The following HKDC1 variants were observed in gnomAD, a reference collection of about 807,000 sequenced individuals.
The protein encoded by HKDC1 is hexokinase HKDC1.
In HKDC1, 66 loss-of-function variants were observed where a neutral mutation model predicts 96.6. The ratio of observed to expected loss-of-function variants is 0.68; its 90% CI spans 0.56 to 0.84. The LOEUF (loss-of-function observed/expected upper bound fraction) is 0.84, where lower values mean the gene tolerates loss of function less well. Ranked by LOEUF, HKDC1 falls within the 40% of genes least tolerant of loss-of-function variation. The pLI is 0.00. For synonymous variants in HKDC1, 466 were observed against 473.1 expected, an observed-to-expected ratio of 0.98 and a Z score of 0.20; for missense variants, 1,211 against 1,208.1, an observed-to-expected ratio of 1.00 and a Z score of -0.04.
chr10:69,221,027 G>C (rs922954693), intron 1 of HKDC1, among the ~76,000 whole-genome samples: 4 of 152,090 alleles, frequency 2.6e-5, no homozygotes, highest in Non-Finnish European at 2.9e-5. Context: ...GCGGGCACCT[G>C]TAATCCCATC....
chr10:69,261,117 C>T, intron 15 of HKDC1, 22 bp from the exon 16 acceptor site: 1 of 1,607,680 alleles, frequency 6.2e-7, no homozygotes, highest in Non-Finnish European at 8.5e-7. Flanking sequence ...CTGCCCCAAC[C>T]TTATCCTTCT....
At chr10:69,236,579 G>A (rs980327712) in intron 4 of HKDC1, among the ~76,000 whole-genome samples, 3 of 151,726 alleles carry the variant, frequency 2.0e-5, no homozygotes, top group Admixed American at 6.6e-5. Flanking sequence ...TCGGGAGTTC[G>A]AGACCAGCCT....
intron 12 of HKDC1, among the ~76,000 whole-genome samples, chr10:69,255,433 G>T (rs1843703882): frequency 6.6e-6 from 1 of 152,146 alleles, no homozygotes; most frequent in Non-Finnish European, 1.5e-5. Flanking sequence ...GCGGCATCCA[G>T]CCACGGGGCT....
intron 2 of HKDC1, among the ~76,000 whole-genome samples, chr10:69,231,955 A>T (rs189845094): frequency 1.3e-5 from 2 of 152,204 alleles, no homozygotes; most frequent in East Asian, 1.9e-4. Flanking sequence ...GAATTTCCGG[A>T]TGTCTACACA....
chr10:69,249,798 C>T (rs1843608138), intron 10 of HKDC1, among the ~76,000 whole-genome samples: 2 of 152,198 alleles, frequency 1.3e-5, no homozygotes, highest in African/African-American at 2.4e-5. Flanking sequence ...CGCGCCAGAC[C>T]GGAGGCCCCT....
At chr10:69,242,987 C>T (rs1432232346) in intron 6 of HKDC1, among the ~76,000 whole-genome samples, 195 bp from the exon 7 acceptor site, 3 of 152,230 alleles carry the variant, frequency 2.0e-5, no homozygotes, top group African/African-American at 4.8e-5. Flanking sequence ...CTGAGAAGTG[C>T]AGACTTGACA....
At chr10:69,241,693 C>G (rs72814226) in intron 6 of HKDC1, among the ~76,000 whole-genome samples, 17,223 of 152,190 alleles carry the variant, frequency 0.11, 1,170 homozygotes, top group Middle Eastern at 0.17. Flanking sequence ...CAGTGTTTGC[C>G]AGGCTGCTCT....
chr10:69,258,794 G>A lies in HKDC1; in HGVS notation c.2051G>A (p.Cys684Tyr). 6.2e-7 allele frequency: 1 copy of A among 1,614,140 alleles called. No individual in the cohort carries two copies. Among genetic ancestry groups the A allele is most frequent in the Non-Finnish European group, 8.5e-7 (1 of 1,180,000 alleles). The stretch of plus-strand genomic sequence containing the variant: ...CTTCTAGGAACAGGCAGCAACATGT[G>A]CTACATGGAGGACATGAGGAACATC... Reference protein sequence around the residue: ...GLIAGTGSNMCYMEDMRNIEM... With the variant: ...GLIAGTGSNMYYMEDMRNIEM... Residue 684 changes from cysteine to tyrosine, a missense_variant, in exon 15 of 18, where the codon TGC becomes TAC. Coordinates refer to ENST00000354624, the MANE Select transcript of HKDC1 (RefSeq NM_025130.4).
At chr10:69,227,530 TTGCAGTTC>T (rs1469096034) in intron 2 of HKDC1, among the ~76,000 whole-genome samples, 161 bp downstream of exon 2, 2 of 143,950 alleles carry the variant, frequency 1.4e-5, no homozygotes, top group African/African-American at 2.5e-5. Context: ...TGAATCCCTC[TTGCAGTTC>T]TGCAGTTCTG....
Position 69,243,429 on chromosome 10 carries a change from C to T in HKDC1, c.875+64C>T. 2.9e-6 allele frequency: 4 copies of T among 1,386,872 alleles called. No individual in the cohort carries two copies. The South Asian group carries it at 6.1e-5, about 21-fold the overall frequency. 85.9% of individuals were successfully genotyped at this position (1,386,872 alleles called of 1,614,324 possible). ...GGCAGTGCCTAATCACTCAGGTCCCCTGGCTACCTGGGAGGCTTTCCAGTT... is the reference window on the plus strand; with the variant it reads ...GGCAGTGCCTAATCACTCAGGTCCCTTGGCTACCTGGGAGGCTTTCCAGTT... On this transcript the variant is annotated intron_variant, in intron 7 of 17. Coordinates refer to ENST00000354624, the MANE Select transcript of HKDC1 (RefSeq NM_025130.4).
Position 69,227,189 on chromosome 10 carries a change from G to A in HKDC1, c.64-18G>A, listed in dbSNP as rs1843172106. 1 of 1,613,638 alleles carries A rather than the reference G, an allele frequency of 6.2e-7. No homozygotes were observed. The highest frequency in any genetic ancestry group is 8.5e-7 in the Non-Finnish European group (1 of 1,179,626). On this transcript the variant is annotated intron_variant, in intron 1 of 17. Coordinates refer to ENST00000354624, the MANE Select transcript of HKDC1 (RefSeq NM_025130.4). Reference sequence around the variant, plus strand: ...AGGGCCCCCAGCAGCACCCCTTGGTGGCCGGTGTCTGTTCCAGGTGGACAG... The same window carrying A: ...AGGGCCCCCAGCAGCACCCCTTGGTAGCCGGTGTCTGTTCCAGGTGGACAG...
rs185415236 is a variant in HKDC1 at position 69,258,710 on chromosome 10, C to A, written c.2033-66C>A. On this transcript the variant is annotated intron_variant, in intron 14 of 17. Coordinates refer to ENST00000354624, the MANE Select transcript of HKDC1 (RefSeq NM_025130.4). ...CAAGCTTAAATTCTTATTTGCTGCA[C>A]TCTGCCACCTTTCTAAAACCTGGTG... 14 of 1,515,888 alleles carry A rather than the reference C, an allele frequency of 9.2e-6. No homozygotes were observed. In the East Asian group the frequency reaches 2.7e-4, roughly 29 times the overall value. The allele number at this position is 1,515,888 out of a possible 1,614,324, so 93.9% of individuals were successfully genotyped here. A position where few individuals can be genotyped will look rare whatever the true frequency, so the allele number is the denominator to read the frequency against.
At chr10:69,248,791 G>A in intron 10 of HKDC1, 63 bp downstream of exon 10, 1 of 1,445,246 alleles carries the variant, frequency 6.9e-7, no homozygotes. Flanking sequence ...ACTCCTTAAA[G>A]CCAGTGAGGT....
intron 10 of HKDC1, chr10:69,249,059 A>T: frequency 9.4e-6 from 2 of 213,130 alleles, no homozygotes; most frequent in Admixed American, 1.1e-4. Context: ...GATGCCTGAG[A>T]TTGCCTGGGC....
At chr10:69,264,323 T>G (rs1337923859) in intron 16 of HKDC1, among the ~76,000 whole-genome samples, 1 of 151,852 alleles carries the variant, frequency 6.6e-6, no homozygotes, top group African/African-American at 2.4e-5. Flanking sequence ...AATCTATTTT[T>G]TCACTATGTC....
At chr10:69,240,321 G>A (rs1321494363) in intron 5 of HKDC1, among the ~76,000 whole-genome samples, 1 of 151,992 alleles carries the variant, frequency 6.6e-6, no homozygotes, top group East Asian at 1.9e-4. Flanking sequence ...GACCCTATCT[G>A]CAGATTAAAA....
In HKDC1 at chr10:69,243,494, T is replaced by A. The variant is rs559940521; in HGVS notation, c.875+129T>A. The A allele has an allele frequency of 3.7e-5, 28 of 764,522 alleles. No individual in the cohort carries two copies. The African/African-American group carries it at 5.4e-4, about 15-fold the overall frequency. The allele number at this position is 764,522 out of a possible 1,614,324, so 47.4% of individuals were successfully genotyped here. A position where few individuals can be genotyped will look rare whatever the true frequency, so the allele number is the denominator to read the frequency against. On this transcript the variant is annotated intron_variant, in intron 7 of 17. Coordinates refer to ENST00000354624, the MANE Select transcript of HKDC1 (RefSeq NM_025130.4). ...ATCACAACTTTCTTTCTTTTTTTCT[T>A]TTTCCTTTTTTTTTTTTTTTGAGAT...
At chr10:69,227,587 TCA>T (rs1843181475) in intron 2 of HKDC1, among the ~76,000 whole-genome samples, 1 of 151,258 alleles carries the variant, frequency 6.6e-6, no homozygotes, top group Admixed American at 6.6e-5. Context: ...CATCGTGGCC[TCA>T]CACATTTGCT....
At chr10:69,251,744 A>G (rs1480684786) in intron 12 of HKDC1, among the ~76,000 whole-genome samples, 2 of 151,478 alleles carry the variant, frequency 1.3e-5, no homozygotes, top group East Asian at 3.9e-4. Flanking sequence ...TGCTATTATA[A>G]ATGGAATTGT....
Sources: allele counts gnomAD v4.1 joint callset (sites outside exome capture counted in the v4.1 genomes callset), GRCh38; gene constraint gnomAD v4.1.1; transcripts MANE v1.5; gene names NCBI Gene and HGNC (gene_info 2026-07-23, HGNC 2026-07-21).